Variants in OSBPL10 observed in about 807,000 individuals in gnomAD.
OSBPL10 encodes oxysterol binding protein like 10, also known as oxysterol-binding protein-related protein 10.
In OSBPL10, 49 loss-of-function variants were observed where a neutral mutation model predicts 81.7. The ratio of observed to expected loss-of-function variants is 0.60; its 90% CI spans 0.48 to 0.76. The LOEUF is 0.76. Among genes scored for constraint, OSBPL10 ranks in the 30% least tolerant of loss-of-function variants. The pLI is 0.00. For missense variants in OSBPL10, 923 were observed against 987.8 expected (o/e 0.93, Z 0.88); for synonymous variants, 419 against 383.6 (o/e 1.09, Z -1.08).
At chr3:31,949,776 T>C (rs983312936) in intron 1 of OSBPL10, among the ~76,000 whole-genome samples, 3 of 149,770 alleles carry the variant, frequency 2.0e-5, no homozygotes, top group African/African-American at 7.4e-5. Context: ...AGGTAACTTC[T>C]GAAACTTTCA....
chr3:31,827,363 G>A (rs1044683993), intron 4 of OSBPL10, among the ~76,000 whole-genome samples: 8 of 152,074 alleles, frequency 5.3e-5, no homozygotes, highest in South Asian at 2.1e-4. Context: ...CTGGCCAGCC[G>A]CAGTGGCTCA....
At chr3:31,768,796 C>T (rs1329903124) in intron 4 of OSBPL10, among the ~76,000 whole-genome samples, 3 of 152,122 alleles carry the variant, frequency 2.0e-5, no homozygotes, top group Non-Finnish European at 2.9e-5. Flanking sequence ...AATATTGCTT[C>T]GAATTGAAAT....
intron 2 of OSBPL10, among the ~76,000 whole-genome samples, chr3:32,013,588 T>G (rs1157644689): frequency 6.6e-6 from 1 of 151,950 alleles, no homozygotes; most frequent in African/African-American, 2.4e-5. Flanking sequence ...AAGAAATAAC[T>G]AAGATCAGAG....
chr3:31,815,588 T>C (rs1699816567), intron 4 of OSBPL10, among the ~76,000 whole-genome samples: 2 of 152,220 alleles, frequency 1.3e-5, no homozygotes, highest in South Asian at 4.2e-4. Context: ...AAGCATCTAA[T>C]GGGGGTGGAA....
intron 7 of OSBPL10, among the ~76,000 whole-genome samples, chr3:31,692,442 C>T (rs548273835): frequency 6.6e-6 from 1 of 152,032 alleles, no homozygotes; most frequent in Non-Finnish European, 1.5e-5. Flanking sequence ...AGGGAAGATA[C>T]GAGCAACAGG....
intron 1 of OSBPL10, among the ~76,000 whole-genome samples, chr3:31,918,305 C>T (rs1024437870): frequency 6.8e-6 from 1 of 146,918 alleles, no homozygotes; most frequent in Non-Finnish European, 1.5e-5. Context: ...CTAGAAGACA[C>T]ACACTGGAGT....
chr3:31,664,393 AACCCAGGGCT>A, intron 10 of OSBPL10, 161 bp from the exon 11 acceptor site: 1 of 659,764 alleles, frequency 1.5e-6, no homozygotes, highest in Non-Finnish European at 2.6e-6. Context: ...CCTAGATTTG[AACCCAGGGCT>A]ACCCAGCTCC....
chr3:31,710,282 C>T (rs950890660), intron 6 of OSBPL10, among the ~76,000 whole-genome samples: 2 of 152,042 alleles, frequency 1.3e-5, no homozygotes, highest in African/African-American at 2.4e-5. Flanking sequence ...GTGGCTGGCA[C>T]ACAAGAAGTG....
At chr3:31,682,646 A>AC (rs1700681933) in intron 8 of OSBPL10, among the ~76,000 whole-genome samples, 2 of 152,024 alleles carry the variant, frequency 1.3e-5, no homozygotes, top group Non-Finnish European at 2.9e-5. Flanking sequence ...TCTTCCCCGG[A>AC]CCCCCACCTG....
At chr3:32,072,204 A>G (rs567809692) in intron 1 of OSBPL10, among the ~76,000 whole-genome samples, 3 of 152,216 alleles carry the variant, frequency 2.0e-5, no homozygotes, top group Non-Finnish European at 2.9e-5. Context: ...AAGGTCCTCC[A>G]TCGTCAAAGC....
intron 6 of OSBPL10, among the ~76,000 whole-genome samples, chr3:31,725,440 T>C (rs1463783404): frequency 1.3e-5 from 2 of 152,158 alleles, no homozygotes; most frequent in African/African-American, 4.8e-5. Flanking sequence ...ACCCGGATGA[T>C]CAAATCATTG....
At chr3:31,786,688 T>C (rs999547428) in intron 4 of OSBPL10, among the ~76,000 whole-genome samples, 3 of 152,198 alleles carry the variant, frequency 2.0e-5, no homozygotes, top group African/African-American at 4.8e-5. Context: ...TGAATTGTGG[T>C]GGGGACACAA....
At chr3:32,024,965 C>A (rs1699391076) in intron 2 of OSBPL10, among the ~76,000 whole-genome samples, 1 of 152,166 alleles carries the variant, frequency 6.6e-6, no homozygotes, top group Admixed American at 6.5e-5. Context: ...TCCTACTTCT[C>A]TTTTGCAACA....
chr3:31,851,698 A>G (rs2125577368), intron 3 of OSBPL10, among the ~76,000 whole-genome samples: 1 of 152,334 alleles, frequency 6.6e-6, no homozygotes, highest in South Asian at 2.1e-4. Context: ...CTTCAGCAAC[A>G]TGTGCCAGAA....
intron 10 of OSBPL10, among the ~76,000 whole-genome samples, chr3:31,666,706 CTA>C (rs1398857067): frequency 6.6e-6 from 1 of 152,304 alleles, no homozygotes; most frequent in South Asian, 2.1e-4. Flanking sequence ...CCTATATATA[CTA>C]TGTTTCTTCC....
intron 1 of OSBPL10, among the ~76,000 whole-genome samples, chr3:31,891,699 C>T (rs1028841365): frequency 4.6e-5 from 7 of 152,034 alleles, no homozygotes; most frequent in South Asian, 2.1e-4. Context: ...GCCAGTGCCA[C>T]GGAAATATTA....
intron 1 of OSBPL10, among the ~76,000 whole-genome samples, chr3:31,939,423 A>T (rs6763674): frequency 6.6e-6 from 1 of 150,454 alleles, no homozygotes; most frequent in East Asian, 2.0e-4. Flanking sequence ...GATTACAGGC[A>T]TGAGTCACCA....
intron 4 of OSBPL10, among the ~76,000 whole-genome samples, chr3:31,799,083 G>A (rs903815386): frequency 6.6e-6 from 1 of 152,098 alleles, no homozygotes; most frequent in Non-Finnish European, 1.5e-5. Flanking sequence ...CTGGGGATTG[G>A]GAATCCCTAC....
At chr3:32,077,299 T>C (rs538122977) in intron 1 of OSBPL10, 2 of 152,216 alleles carry the variant, frequency 1.3e-5, no homozygotes, top group South Asian at 2.1e-4. Flanking sequence ...GCTCTGAGAG[T>C]GCCTGTGCTA....
Sources: gnomAD v4.1 joint callset for allele counts (sites outside exome capture counted in the v4.1 genomes callset) on GRCh38, gnomAD v4.1.1 for gene constraint, MANE v1.5 for transcripts, NCBI Gene and HGNC (gene_info 2026-07-23, HGNC 2026-07-21) for gene names.